The following PSMD14 variants were observed in gnomAD, a reference collection of about 807,000 sequenced individuals.
PSMD14 encodes the protein ubiquitin C-terminal hydrolase PSMD14.
In PSMD14, 7 loss-of-function variants were observed where a neutral mutation model predicts 41.2. The ratio of observed to expected loss-of-function variants is 0.17; its 90% confidence interval spans 0.10 to 0.32. PSMD14 has a LOEUF of 0.32. PSMD14 is among the 10% of genes least tolerant of loss of function. PSMD14 has a pLI of 1.00. For missense variants in PSMD14, 139 were observed against 375.6 expected (o/e 0.37, Z 5.21); for synonymous variants, 114 against 122.3 (o/e 0.93, Z 0.45).
At chr2:161,345,236 C>CTTTTTTTTTTTTTTTT (rs869245727) in intron 3 of PSMD14, among the ~76,000 whole-genome samples, 1 of 57,018 alleles carries the variant, frequency 1.8e-5, no homozygotes, top group African/African-American at 7.4e-5. Context: ...ATCTCTGTGT[C>CTTTTTTTTTTTTTTTT]TTTTTTTTTT....
At chr2:161,393,893 T>C (rs1199475651) in intron 9 of PSMD14, among the ~76,000 whole-genome samples, 1 of 151,814 alleles carries the variant, frequency 6.6e-6, no homozygotes, top group Admixed American at 6.6e-5. Flanking sequence ...TTGAGAAACA[T>C]TGAACTAAGG....
At chr2:161,314,485 C>G (rs1043508100) in intron 1 of PSMD14, among the ~76,000 whole-genome samples, 5 of 152,190 alleles carry the variant, frequency 3.3e-5, no homozygotes, top group Admixed American at 2.0e-4. Flanking sequence ...CAGTTTAGTT[C>G]CAGAACATTT....
chr2:161,322,511 T>C (rs1445568980), intron 3 of PSMD14, among the ~76,000 whole-genome samples: 1 of 152,160 alleles, frequency 6.6e-6, no homozygotes, highest in Non-Finnish European at 1.5e-5. Context: ...TGCCTCAGCC[T>C]CGCAAGTAGC....
At chr2:161,340,864 T>C in intron 3 of PSMD14, 1 of 1,613,940 alleles carries the variant, frequency 6.2e-7, no homozygotes, top group East Asian at 2.2e-5. Flanking sequence ...GTCATCATCT[T>C]CTCGTACTGG....
At chr2:161,399,742 A>T (rs751116150) in intron 10 of PSMD14, among the ~76,000 whole-genome samples, 2 of 152,140 alleles carry the variant, frequency 1.3e-5, no homozygotes, top group African/African-American at 2.4e-5. Flanking sequence ...ATAAAAAAGA[A>T]TTTTTTTAGG....
In PSMD14 at chr2:161,391,580, TTTTG is replaced by T. The variant is rs555585544; in HGVS notation, c.645+422_645+425del. ...ACTTAAATTGCAGTTGTGTAGTGCTTTTTGTTTGTTTGTTTGTTTGTTTTAAGAG... is the reference window on the plus strand; with the variant it reads ...ACTTAAATTGCAGTTGTGTAGTGCTTTTTGTTTGTTTGTTTGTTTTAAGAG... On this transcript the variant is annotated intron_variant, in intron 9 of 11. Transcript: ENST00000409682. 6.8e-3 allele frequency among the ~76,000 whole-genome samples: 1,032 copies of T among 152,150 alleles called. 7 individuals are homozygous for T. The highest frequency in any genetic ancestry group is 0.011 in the Non-Finnish European group (758 of 67,980).
intron 7 of PSMD14, among the ~76,000 whole-genome samples, chr2:161,380,100 CATAT>C (rs1683554811): frequency 6.6e-6 from 1 of 151,964 alleles, no homozygotes; most frequent in Non-Finnish European, 1.5e-5. Flanking sequence ...GTGGCAGAAA[CATAT>C]ATATTATTTT....
Position 161,370,090 on chromosome 2 carries a change from CT to C in PSMD14, c.241-14del. On this transcript the variant is annotated splice_polypyrimidine_tract_variant and intron_variant, in intron 5 of 11. Coordinates refer to ENST00000409682, the MANE Select transcript of PSMD14 (RefSeq NM_005805.6). ...AAATTTACAAAAATTAATAATTTTT[CT>C]TTCTTTCTAAATCAGGGTGTCAGTG... The C allele has an allele frequency of 6.6e-7, 1 of 1,518,898 alleles. No homozygotes were observed. The highest frequency in any genetic ancestry group is 8.8e-7 in the Non-Finnish European group (1 of 1,131,442). The allele number at this position is 1,518,898 out of a possible 1,614,324, so 94.1% of individuals were successfully genotyped here.
intron 3 of PSMD14, among the ~76,000 whole-genome samples, chr2:161,360,368 T>C (rs76888861): frequency 1.3e-5 from 1 of 77,426 alleles, no homozygotes; most frequent in Non-Finnish European, 2.3e-5. Flanking sequence ...TTCATATTGT[T>C]TTTTTTTTTT....
intron 3 of PSMD14, among the ~76,000 whole-genome samples, chr2:161,347,808 A>G (rs557798416): frequency 1.1e-4 from 16 of 152,344 alleles, no homozygotes; most frequent in Admixed American, 9.1e-4. Context: ...TCTTCTAAGT[A>G]CTTTAAATAT....
intron 3 of PSMD14, among the ~76,000 whole-genome samples, chr2:161,358,740 T>G (rs1297547896): frequency 6.6e-6 from 1 of 152,156 alleles, no homozygotes; most frequent in Non-Finnish European, 1.5e-5. Context: ...ATCAGGAGTT[T>G]GAGACCAGTC....
intron 10 of PSMD14, among the ~76,000 whole-genome samples, chr2:161,402,321 G>A (rs932904942): frequency 6.6e-6 from 1 of 152,162 alleles, no homozygotes; most frequent in Non-Finnish European, 1.5e-5. Context: ...TGCAAATCAG[G>A]TATCTGATAA....
At chr2:161,377,540 T>C (rs1683519642) in intron 7 of PSMD14, among the ~76,000 whole-genome samples, 1 of 151,880 alleles carries the variant, frequency 6.6e-6, no homozygotes, top group Non-Finnish European at 1.5e-5. Flanking sequence ...ATATAAGAAA[T>C]TGTCTGCTAG....
chr2:161,388,969 G>A (rs1683670607), intron 8 of PSMD14, among the ~76,000 whole-genome samples: 1 of 152,134 alleles, frequency 6.6e-6, no homozygotes, highest in African/African-American at 2.4e-5. Flanking sequence ...AGGTGAGTAA[G>A]TGAAATTGAA....
intron 3 of PSMD14, among the ~76,000 whole-genome samples, chr2:161,321,999 T>G (rs1682614316): frequency 6.6e-6 from 1 of 152,188 alleles, no homozygotes; most frequent in African/African-American, 2.4e-5. Context: ...CCATCCTCCC[T>G]TCCCAAATGG....
chr2:161,351,193 T>C (rs1478410015), intron 3 of PSMD14, among the ~76,000 whole-genome samples: 1 of 152,212 alleles, frequency 6.6e-6, no homozygotes, highest in Non-Finnish European at 1.5e-5. Context: ...CCTATACCTT[T>C]TTGGCATGAT....
intron 3 of PSMD14, among the ~76,000 whole-genome samples, chr2:161,365,563 G>A (rs540708325): frequency 2.0e-5 from 3 of 152,204 alleles, no homozygotes; most frequent in African/African-American, 7.2e-5. Context: ...GAGAAAGGCT[G>A]TGTCAAGATA....
intron 11 of PSMD14, among the ~76,000 whole-genome samples, chr2:161,409,333 G>A (rs1301796708): frequency 1.3e-5 from 2 of 152,058 alleles, no homozygotes; most frequent in African/African-American, 4.8e-5. Context: ...AGGGCTTTAA[G>A]TATTTGCTCT....
At chr2:161,403,352 G>A (rs936812742) in intron 10 of PSMD14, among the ~76,000 whole-genome samples, 1 of 152,184 alleles carries the variant, frequency 6.6e-6, no homozygotes, top group East Asian at 1.9e-4. Context: ...AATCCATAGA[G>A]ACAGAAAACA....
Sources: gnomAD v4.1 joint callset for allele counts (sites outside exome capture counted in the v4.1 genomes callset) on GRCh38, gnomAD v4.1.1 for gene constraint, MANE v1.5 for transcripts, NCBI Gene and HGNC (gene_info 2026-07-23, HGNC 2026-07-21) for gene names.